Variants in ZNF385C observed in about 807,000 individuals in gnomAD.
ZNF385C encodes the protein zinc finger protein 385C.
A neutral mutation model predicts 35.4 loss-of-function variants in ZNF385C; 28 were observed. That is an observed-to-expected ratio of 0.79 (90% CI 0.59 to 1.08). The LOEUF is 1.08. ZNF385C is among the 50% of genes least tolerant of loss of function. ZNF385C has a pLI of 0.00. For synonymous variants in ZNF385C, 248 were observed against 248.2 expected, an observed-to-expected ratio of 1.00 and a Z score of 0.01; for missense variants, 605 against 595.6, an observed-to-expected ratio of 1.02 and a Z score of -0.16.
At chr17:42,037,987 C>G in intron 2 of ZNF385C, 102 bp from the exon 3 acceptor site, 2 of 1,539,542 alleles carry the variant, frequency 1.3e-6, no homozygotes, top group Non-Finnish European at 1.7e-6. Flanking sequence ...TGGGCAGAAA[C>G]CTGTGTCTCT....
intron 2 of ZNF385C, chr17:42,061,695 G>GT (rs1555658027): frequency 1.3e-5 from 2 of 152,316 alleles, no homozygotes; most frequent in Non-Finnish European, 2.9e-5. Flanking sequence ...ACCTCTGCCT[G>GT]TAATGCCCCT....
chr17:42,044,657 G>C (rs2053112311), intron 2 of ZNF385C, among the ~76,000 whole-genome samples: 1 of 151,882 alleles, frequency 6.6e-6, no homozygotes, highest in Non-Finnish European at 1.5e-5. Context: ...GCAGAAAGCT[G>C]ATTCTTTCCA....
chr17:42,083,707 CTTTTTTTTTTTTTT>C (rs59612634), intron 1 of ZNF385C, among the ~76,000 whole-genome samples: 1 of 49,940 alleles, frequency 2.0e-5, no homozygotes, highest in Non-Finnish European at 3.5e-5. Flanking sequence ...CTTTTCAAGT[CTTTTTTTTTTTTTT>C]TTTTTTTTTT....
chr17:42,076,883 T>C (rs55839952), intron 1 of ZNF385C, among the ~76,000 whole-genome samples: 53,361 of 151,970 alleles, frequency 0.35, 11,011 homozygotes, highest in African/African-American at 0.57. Flanking sequence ...GCTGGGGGTG[T>C]GAGGTGGTGC....
intron 1 of ZNF385C, among the ~76,000 whole-genome samples, chr17:42,064,317 A>T (rs1214163081): frequency 6.6e-6 from 1 of 152,156 alleles, no homozygotes; most frequent in African/African-American, 2.4e-5. Context: ...TGCTTCAGAC[A>T]GGGGCTTCCT....
At chr17:42,041,247 C>G in intron 2 of ZNF385C, 1 of 1,224,948 alleles carries the variant, frequency 8.2e-7, no homozygotes, top group Non-Finnish European at 1.0e-6. Flanking sequence ...TCCTGAGAGG[C>G]GGAGGCAGGC....
intron 3 of ZNF385C, among the ~76,000 whole-genome samples, chr17:42,034,697 T>C (rs2052804368): frequency 6.7e-6 from 1 of 149,622 alleles, no homozygotes; most frequent in Non-Finnish European, 1.5e-5. Context: ...GGCAGGAGAA[T>C]TGCTTGAACC....
rs528780194 is a variant in ZNF385C, at chr17:42,095,222, T to C, written c.-3+3188A>G. Among the ~76,000 whole-genome samples, 1 of 152,294 alleles carries C rather than the reference T, an allele frequency of 6.6e-6. No homozygotes were observed. The highest frequency in any genetic ancestry group is 2.1e-4 in the South Asian group (1 of 4,824). The stretch of plus-strand genomic sequence containing the variant: ...AGCCACAATAAAGGTTTCATGCCTC[T>C]TCTGAACAGACGGTGTGTCCAGGTG... On this transcript the variant is annotated intron_variant, in intron 1 of 8. Transcript: ENST00000692273. The surrounding 1 kb of genome is among the most constrained non-coding windows in gnomAD (Gnocchi z 4.4).
intron 2 of ZNF385C, chr17:42,039,722 C>T (rs1212516514): frequency 1.1e-5 from 13 of 1,232,406 alleles, no homozygotes; most frequent in Non-Finnish European, 1.2e-5. Context: ...AGCTGCGACC[C>T]CAGGAAGCCC....
intron 2 of ZNF385C, among the ~76,000 whole-genome samples, chr17:42,058,391 C>G (rs1415533926): frequency 6.6e-6 from 1 of 152,216 alleles, no homozygotes; most frequent in African/African-American, 2.4e-5. Flanking sequence ...CATGGCGCCC[C>G]GGACACTGAG....
intron 8 of ZNF385C, 62 bp downstream of exon 8, chr17:42,027,556 C>A: frequency 2.2e-6 from 1 of 458,762 alleles, no homozygotes; most frequent in Non-Finnish European, 4.1e-6. Context: ...CCCATCTGGC[C>A]CTCCCAGCCC....
At chr17:42,067,796 G>A (rs1048408110) in intron 1 of ZNF385C, among the ~76,000 whole-genome samples, 1 of 152,250 alleles carries the variant, frequency 6.6e-6, no homozygotes, top group African/African-American at 2.4e-5. Flanking sequence ...AGTGTTGGTG[G>A]GGGGAGAGGT....
At chr17:42,087,637 A>G (rs2053822771) in intron 1 of ZNF385C, among the ~76,000 whole-genome samples, 1 of 152,208 alleles carries the variant, frequency 6.6e-6, no homozygotes, top group Admixed American at 6.5e-5. Flanking sequence ...CAATGGCCCC[A>G]GTCCTAGCCA....
At chr17:42,091,990 G>A (rs1433055608) in intron 1 of ZNF385C, among the ~76,000 whole-genome samples, 56 of 152,290 alleles carry the variant, frequency 3.7e-4, no homozygotes, top group South Asian at 4.1e-4. Flanking sequence ...AGCATGGTCT[G>A]GCAAGGAGCC....
chr17:42,076,268 A>T (rs577461506), intron 1 of ZNF385C, among the ~76,000 whole-genome samples: 1 of 152,068 alleles, frequency 6.6e-6, no homozygotes, highest in African/African-American at 2.4e-5. Context: ...TTTCCCACTC[A>T]TTTCATCCCC....
At chr17:42,065,616 C>T (rs868969211) in intron 1 of ZNF385C, among the ~76,000 whole-genome samples, 25 of 152,168 alleles carry the variant, frequency 1.6e-4, no homozygotes, top group African/African-American at 5.3e-4. Context: ...ACATGTCTGT[C>T]GTGACAAGTG....
intron 3 of ZNF385C, among the ~76,000 whole-genome samples, chr17:42,034,545 C>T (rs1277606499): frequency 2.6e-5 from 4 of 151,744 alleles, no homozygotes; most frequent in African/African-American, 7.3e-5. Flanking sequence ...TTTGGGAGGC[C>T]GAGGCAGGCA....
chr17:42,029,073 A>G lies in ZNF385C; in HGVS notation c.677T>C (p.Val226Ala). ...AGGCCCAAGAGGAGGGGCTGCAGGA[A>G]CTGCTGCAGAGATGGAAGAGTGTGA... The part of the protein sequence containing the change: ...SGAPGEPQSK[V>A]PAAPPLGPPL... The change falls in exon 6 of 9, where the codon GTT becomes GCT. Residue 226 changes from valine (V) to alanine (A), a missense_variant and splice_region_variant. Physicochemically the swap from Val to Ala is moderately conservative, Grantham distance 64. Transcript: ENST00000692273. The G allele has an allele frequency of 1.3e-6, 2 of 1,548,230 alleles. No homozygotes were observed. Among genetic ancestry groups the G allele is most frequent in the South Asian group, 2.4e-5 (2 of 84,004 alleles).
In ZNF385C at chr17:42,027,709, T is replaced by C. The variant is rs1555654430; in HGVS notation, c.1184A>G (p.His395Arg). Reference sequence around the variant, plus strand: ...GGTCTTCCCGGCCAGGCGGTCTTTGTGCCTCCTGCTGCTCATGTGCTAATG... The same window carrying C: ...GGTCTTCCCGGCCAGGCGGTCTTTGCGCCTCCTGCTGCTCATGTGCTAATG... Reference protein sequence around the residue: ...QLKQHMSSRRHKDRLAGKTPK... With the variant: ...QLKQHMSSRRRKDRLAGKTPK... The change falls in exon 8 of 9, where the codon CAC becomes CGC. Residue 395 changes from histidine (H) to arginine (R), a missense_variant. Coordinates refer to ENST00000692273, the MANE Select transcript of ZNF385C (RefSeq NM_001392013.1). 3 of 1,612,600 alleles carry C rather than the reference T, an allele frequency of 1.9e-6. No homozygotes were observed. The highest frequency in any genetic ancestry group is 2.5e-6 in the Non-Finnish European group (3 of 1,179,542).
Sources: allele counts gnomAD v4.1 joint callset (sites outside exome capture counted in the v4.1 genomes callset), GRCh38; gene constraint gnomAD v4.1.1; non-coding constraint Gnocchi (gnomAD v3.1); transcripts MANE v1.5; gene names NCBI Gene and HGNC (gene_info 2026-07-23, HGNC 2026-07-21).